Variants in PAPPA2 observed in about 807,000 individuals in gnomAD.
PAPPA2 encodes the protein pappalysin 2, also known as pappalysin-2.
In PAPPA2, 86 loss-of-function variants were observed where a neutral mutation model predicts 176.4. The ratio of observed to expected loss-of-function variants is 0.49; its 90% CI spans 0.41 to 0.58. The LOEUF (loss-of-function observed/expected upper bound fraction) is 0.58. Among genes scored for constraint, PAPPA2 ranks in the 20% least tolerant of loss-of-function variants. The pLI, the probability that PAPPA2 is intolerant of heterozygous loss-of-function variation, is 0.00. For synonymous variants in PAPPA2, 809 were observed against 852.2 expected (o/e 0.95, Z 0.88); for missense variants, 2,073 against 2,256.9 (o/e 0.92, Z 1.65).
intron 16 of PAPPA2, among the ~76,000 whole-genome samples, chr1:176,770,145 C>T (rs1664158721): frequency 6.6e-6 from 1 of 152,172 alleles, no homozygotes; most frequent in South Asian, 2.1e-4. Context: ...ATCCTTTGAG[C>T]AATGTGTGAA....
At chr1:176,591,689 GC>G (rs1653679326) in intron 2 of PAPPA2, among the ~76,000 whole-genome samples, 1 of 152,136 alleles carries the variant, frequency 6.6e-6, no homozygotes, top group Non-Finnish European at 1.5e-5. Context: ...CTGTTTCTGT[GC>G]ACTTATTCAT....
Position 176,658,320 on chromosome 1 carries a change from A to G in PAPPA2, c.1992-12650A>G, listed in dbSNP as rs1278079410. Among the ~76,000 whole-genome samples, 4 of 152,116 alleles carry G rather than the reference A, an allele frequency of 2.6e-5. No homozygotes were observed. The East Asian group carries it at 5.8e-4, about 22-fold the overall frequency. Reference sequence around the variant, plus strand: ...ATTAGAGGCAGAAAAATAAGAATACATTACAGAATATCAGAAATAAACAAT... The same window carrying G: ...ATTAGAGGCAGAAAAATAAGAATACGTTACAGAATATCAGAAATAAACAAT... On this transcript the variant is annotated intron_variant, in intron 3 of 22. Coordinates refer to ENST00000367662, the MANE Select transcript of PAPPA2 (RefSeq NM_020318.3).
At chr1:176,816,861 G>T (rs1254059529) in intron 21 of PAPPA2, among the ~76,000 whole-genome samples, 1 of 152,098 alleles carries the variant, frequency 6.6e-6, no homozygotes, top group East Asian at 1.9e-4. Context: ...TCTCTCTGTT[G>T]TCTCTTCTAA....
intron 4 of PAPPA2, among the ~76,000 whole-genome samples, chr1:176,686,083 A>G (rs1320231548): frequency 6.6e-6 from 1 of 152,184 alleles, no homozygotes; most frequent in African/African-American, 2.4e-5. Flanking sequence ...GTTGGAATAA[A>G]GGGTGAGTGG....
intron 12 of PAPPA2, among the ~76,000 whole-genome samples, chr1:176,724,302 C>T (rs933460919): frequency 7.2e-5 from 11 of 152,082 alleles, no homozygotes; most frequent in African/African-American, 2.2e-4. Flanking sequence ...TACTTATTGT[C>T]AACTCTTGGT....
At chr1:176,730,616 C>T (rs182948146) in intron 12 of PAPPA2, among the ~76,000 whole-genome samples, 17 of 143,020 alleles carry the variant, frequency 1.2e-4, no homozygotes, top group Admixed American at 4.8e-4. Context: ...TTTTGTATTT[C>T]GTTGATTTCT....
At chr1:176,801,973 C>T (rs567378034) in intron 21 of PAPPA2, among the ~76,000 whole-genome samples, 2 of 152,252 alleles carry the variant, frequency 1.3e-5, no homozygotes, top group East Asian at 3.9e-4. Flanking sequence ...GACTGCTGGG[C>T]TGATGTCTCC....
rs116515909 is a variant in PAPPA2 at position 176,599,202 on chromosome 1, T to C, written c.1991+3607T>C. On this transcript the variant is annotated intron_variant, in intron 3 of 22. Coordinates refer to ENST00000367662, the MANE Select transcript of PAPPA2 (RefSeq NM_020318.3). ...ATGTATGTATGTACATATATATATA[T>C]ACACACACACACACACACAAATATA... Among the ~76,000 whole-genome samples, 1,004 of 136,500 alleles carry C rather than the reference T, an allele frequency of 7.4e-3. 12 individuals are homozygous for C. Among genetic ancestry groups the C allele is most frequent in the African/African-American group, 0.023 (880 of 38,170 alleles). The allele number at this position is 136,500 out of a possible 152,430, so 89.5% of individuals were successfully genotyped here. A position where few individuals can be genotyped will look rare whatever the true frequency, so the allele number is the denominator to read the frequency against.
chr1:176,796,716 T>G (rs1665456755), intron 20 of PAPPA2, among the ~76,000 whole-genome samples: 1 of 151,484 alleles, frequency 6.6e-6, no homozygotes. Flanking sequence ...TTCTTTTTCT[T>G]TCTTTCTTCT....
rs144471769 is a variant in PAPPA2, at chr1:176,496,614, A to C, written c.-917+33196A>C. ...CCTTACTTTGTCCTCCTACACTATGAACCCAGATTTCCTCTTTAGCTTATT... is the reference window on the plus strand; with the variant it reads ...CCTTACTTTGTCCTCCTACACTATGCACCCAGATTTCCTCTTTAGCTTATT... On this transcript the variant is annotated intron_variant, in intron 1 of 22. Transcript: ENST00000367662. Among the ~76,000 whole-genome samples, 108 of 152,252 alleles carry C rather than the reference A, an allele frequency of 7.1e-4. No homozygotes were observed. In the Middle Eastern group the frequency reaches 0.01, roughly 14 times the overall value.
chr1:176,566,691 A>G (rs1008705812), intron 2 of PAPPA2, among the ~76,000 whole-genome samples: 2 of 152,106 alleles, frequency 1.3e-5, no homozygotes. Flanking sequence ...CATACATCCA[A>G]CTATTCTCTT....
In PAPPA2 at chr1:176,699,411, G is replaced by A. The variant is rs201517784; in HGVS notation, c.3058G>A (p.Val1020Met). ...GCACGTGGATGGGAAGGTGTCGGGG[G>A]TGAAAGTCTACACCTTTGATGAGAG... Reference protein sequence around the residue: ...KLHVDGKVSGVKVYTFDERIE... With the variant: ...KLHVDGKVSGMKVYTFDERIE... The change falls in exon 8 of 23, where the codon GTG becomes ATG. Residue 1020 changes from valine (V) to methionine (M), a missense_variant. Around this residue, in one of 4 missense-constraint regions of PAPPA2, gnomAD observed 1,196 missense variants for 1,330.4 expected, o/e 0.90. Transcript: ENST00000367662. The A allele has an allele frequency of 6.2e-7, 1 of 1,614,154 alleles. No homozygotes were observed. The highest frequency in any genetic ancestry group is 1.1e-5 in the South Asian group (1 of 91,082).
At chr1:176,483,530 G>A (rs1652507678) in intron 1 of PAPPA2, among the ~76,000 whole-genome samples, 1 of 143,724 alleles carries the variant, frequency 7.0e-6, no homozygotes, top group Non-Finnish European at 1.5e-5. Flanking sequence ...GAGTGCAGTG[G>A]TGTGATTTTG....
intron 1 of PAPPA2, among the ~76,000 whole-genome samples, chr1:176,538,600 C>A (rs1379973492): frequency 2.6e-5 from 4 of 151,716 alleles, no homozygotes; most frequent in Admixed American, 6.6e-5. Flanking sequence ...GAACGTATAA[C>A]CTTTCTCCGT....
intron 12 of PAPPA2, among the ~76,000 whole-genome samples, chr1:176,735,677 AATCTATCTATCTATCT>A (rs55758426): frequency 0.052 from 7,479 of 144,338 alleles, 217 homozygotes; most frequent in African/African-American, 0.067. Flanking sequence ...CATCTCTCAG[AATCTATCTATCTATCT>A]ATCTATCTAT....
chr1:176,642,221 T>A (rs1256947691), intron 3 of PAPPA2, among the ~76,000 whole-genome samples: 1 of 151,936 alleles, frequency 6.6e-6, no homozygotes, highest in Non-Finnish European at 1.5e-5. Context: ...TATGACTTAT[T>A]TTAATTTAAA....
intron 12 of PAPPA2, among the ~76,000 whole-genome samples, chr1:176,721,069 G>A (rs771375390): frequency 5.8e-4 from 88 of 152,138 alleles, no homozygotes; most frequent in Non-Finnish European, 1.1e-3. Context: ...TCACATGACA[G>A]TCTCCTCCAG....
chr1:176,602,573 A>G (rs1451178373), intron 3 of PAPPA2, among the ~76,000 whole-genome samples: 2 of 152,208 alleles, frequency 1.3e-5, no homozygotes, highest in Non-Finnish European at 2.9e-5. Flanking sequence ...AACATCAGCC[A>G]GGCTTCATTA....
intron 17 of PAPPA2, among the ~76,000 whole-genome samples, chr1:176,779,013 G>T (rs1664585229): frequency 6.6e-6 from 1 of 152,138 alleles, no homozygotes; most frequent in African/African-American, 2.4e-5. Context: ...GCTACAAGGG[G>T]CCTGGTGACT....
Sources: allele counts gnomAD v4.1 joint callset (sites outside exome capture counted in the v4.1 genomes callset), GRCh38; gene constraint gnomAD v4.1.1; regional missense constraint gnomAD v4.1.1; transcripts MANE v1.5; gene names NCBI Gene and HGNC (gene_info 2026-07-23, HGNC 2026-07-21).